The following MTREX variants were observed in gnomAD, a reference collection of about 807,000 sequenced individuals.
MTREX encodes Mtr4 exosome RNA helicase, also known as exosome RNA helicase MTR4.
MTREX carries 76 observed loss-of-function variants against 135.4 expected under a neutral mutation model. The observed-to-expected ratio is 0.56, with a 90% CI of 0.47 to 0.68. MTREX has a LOEUF of 0.68. Among genes scored for constraint, MTREX ranks in the 30% least tolerant of loss-of-function variants. MTREX has a pLI of 0.00. For synonymous variants in MTREX, 404 were observed against 401.6 expected, an observed-to-expected ratio of 1.01 and a Z score of -0.07; for missense variants, 920 against 1,262.1, an observed-to-expected ratio of 0.73 and a Z score of 4.11.
Position 55,340,128 on chromosome 5 carries a change from A to G in MTREX, c.634A>G (p.Met212Val). The G allele has an allele frequency of 6.2e-7, 1 of 1,603,588 alleles. No homozygotes were observed. The highest frequency in any genetic ancestry group is 1.7e-5 in the Admixed American group (1 of 58,512). ...MYEEFQDVGLMTGDVTINPTA... is the reference protein window; with the variant it reads ...MYEEFQDVGLVTGDVTINPTA... The stretch of plus-strand genomic sequence containing the variant: ...TGAAGAATTTCAAGATGTTGGTTTG[A>G]TGACTGGTGATGTTACTATTAATCC... The change falls in exon 6 of 27, where the codon ATG becomes GTG. Residue 212 changes from methionine (M) to valine (V), a missense_variant. Met to Val is a conservative substitution (Grantham distance 21, BLOSUM62 1). Transcript: ENST00000230640.
intron 16 of MTREX, among the ~76,000 whole-genome samples, chr5:55,375,929 A>G (rs1384461308): frequency 6.6e-6 from 1 of 152,182 alleles, no homozygotes; most frequent in Non-Finnish European, 1.5e-5. Context: ...TTCTTGTTAT[A>G]TAAATGTGCC....
Position 55,322,308 on chromosome 5 carries a change from C to A in MTREX, c.135-19C>A. On this transcript the variant is annotated intron_variant, in intron 1 of 26. Transcript: ENST00000230640. Reference sequence around the variant, plus strand: ...AAAGTGGATACTGCAGAATTCATTCCAAACTATTTACTTTTCAGGAAACGT... The same window carrying A: ...AAAGTGGATACTGCAGAATTCATTCAAAACTATTTACTTTTCAGGAAACGT... 1 of 1,589,098 alleles carries A rather than the reference C, an allele frequency of 6.3e-7. No individual in the cohort carries two copies. The highest frequency in any genetic ancestry group is 8.6e-7 in the Non-Finnish European group (1 of 1,169,360).
intron 25 of MTREX, among the ~76,000 whole-genome samples, chr5:55,419,016 G>A (rs896616403): frequency 6.6e-6 from 1 of 152,036 alleles, no homozygotes; most frequent in Non-Finnish European, 1.5e-5. Context: ...GCTAATTTTT[G>A]TTAATTTTTG....
chr5:55,323,747 A>G (rs181592813), intron 2 of MTREX, among the ~76,000 whole-genome samples: 1 of 152,320 alleles, frequency 6.6e-6, no homozygotes, highest in Admixed American at 6.5e-5. Context: ...TAATAGCAAC[A>G]AATGAATTGG....
chr5:55,312,400 C>T (rs1226172916), intron 1 of MTREX, among the ~76,000 whole-genome samples: 1 of 149,794 alleles, frequency 6.7e-6, no homozygotes, highest in East Asian at 1.9e-4. Context: ...CTCCTTTGCA[C>T]TTATTTCTTC....
At chr5:55,318,985 A>G (rs1160311828) in intron 1 of MTREX, among the ~76,000 whole-genome samples, 2 of 148,846 alleles carry the variant, frequency 1.3e-5, no homozygotes, top group South Asian at 2.1e-4. Flanking sequence ...TCTTCACTCA[A>G]ATATTCTAAA....
Position 55,361,431 on chromosome 5 carries a change from TACAC to T in MTREX, c.1659+2741_1659+2744del, listed in dbSNP as rs1310117035. On this transcript the variant is annotated intron_variant, in intron 15 of 26. Transcript: ENST00000230640. ...AGCTTTCAAAATCTCAGTACATTCA[TACAC>T]ACACACATATTTATATATTTGAGCA... Among the ~76,000 whole-genome samples the T allele has an allele frequency of 2.6e-5, 4 of 152,340 alleles. No individual in the cohort carries two copies. In the East Asian group the frequency reaches 5.8e-4, roughly 22 times the overall value.
In MTREX at chr5:55,414,256, T is replaced by G; in HGVS notation, c.2808+18T>G. On this transcript the variant is annotated intron_variant, in intron 24 of 26. Transcript: ENST00000230640. ...AAATGCAGGTAAGGTTTTTTTTTTT[T>G]TTTTTTGAACTACATATTTTATGAA... 2 of 1,558,590 alleles carry G rather than the reference T, an allele frequency of 1.3e-6. No individual in the cohort carries two copies. Among genetic ancestry groups the G allele is most frequent in the Non-Finnish European group, 1.7e-6 (2 of 1,160,866 alleles).
At chr5:55,383,814 G>C (rs888086783) in intron 18 of MTREX, among the ~76,000 whole-genome samples, 8 of 152,072 alleles carry the variant, frequency 5.3e-5, no homozygotes, top group African/African-American at 1.9e-4. Context: ...CTGTTACCTA[G>C]GTTAGAGTGC....
chr5:55,327,321 T>C (rs1579850814), intron 3 of MTREX, among the ~76,000 whole-genome samples: 1 of 152,246 alleles, frequency 6.6e-6, no homozygotes, highest in East Asian at 1.9e-4. Flanking sequence ...ATTTCTAGAG[T>C]CTCTTTTTTT....
chr5:55,396,746 C>T (rs1750652835), intron 19 of MTREX, among the ~76,000 whole-genome samples: 1 of 152,162 alleles, frequency 6.6e-6, no homozygotes, highest in African/African-American at 2.4e-5. Flanking sequence ...ATCAGCAAGC[C>T]AGTGAAAATT....
intron 15 of MTREX, among the ~76,000 whole-genome samples, chr5:55,364,014 A>C (rs1174478408): frequency 7.9e-5 from 12 of 152,110 alleles, no homozygotes; most frequent in Admixed American, 7.9e-4. Flanking sequence ...AGTTCAGGGA[A>C]ATTTGAGATG....
chr5:55,425,134 CATCCTCTTGCCTTGTGGCA>C lies in MTREX; in HGVS notation c.*366_*384del. 1 of 1,521,656 alleles carries C rather than the reference CATCCTCTTGCCTTGTGGCA, an allele frequency of 6.6e-7. No homozygotes were observed. The highest frequency in any genetic ancestry group is 1.4e-5 in the African/African-American group (1 of 71,582). 94.3% of individuals were successfully genotyped at this position (1,521,656 alleles called of 1,614,324 possible). A position where few individuals can be genotyped will look rare whatever the true frequency, so the allele number is the denominator to read the frequency against. The stretch of plus-strand genomic sequence containing the variant: ...GGCTTGTACACCAGGAAGAAAGATG[CATCCTCTTGCCTTGTGGCA>C]ATCATTTTCCTTTAGAAAACAGGCC... On this transcript the variant is annotated 3_prime_UTR_variant, in exon 27 of 27. Coordinates refer to ENST00000230640, the MANE Select transcript of MTREX (RefSeq NM_015360.5).
intron 2 of MTREX, 38 bp from the exon 3 acceptor site, chr5:55,324,093 TA>T: frequency 7.0e-7 from 1 of 1,432,016 alleles, no homozygotes; most frequent in Non-Finnish European, 9.7e-7. Flanking sequence ...TATAGAAAAG[TA>T]ATTTGTTTTT....
At chr5:55,333,255 C>T (rs1198625838) in intron 5 of MTREX, among the ~76,000 whole-genome samples, 1 of 152,130 alleles carries the variant, frequency 6.6e-6, no homozygotes, top group East Asian at 1.9e-4. Context: ...TTATCTCTTT[C>T]TCAGCCTTAA....
chr5:55,393,917 A>G (rs1750606834), intron 19 of MTREX, among the ~76,000 whole-genome samples: 1 of 151,968 alleles, frequency 6.6e-6, no homozygotes, highest in African/African-American at 2.4e-5. Flanking sequence ...TAGTTAGGGA[A>G]CTCTTAGGAT....
chr5:55,350,910 A>G lies in MTREX; in HGVS notation c.1321-9A>G. 2 of 1,579,602 alleles carry G rather than the reference A, an allele frequency of 1.3e-6. No homozygotes were observed. The highest frequency in any genetic ancestry group is 8.6e-7 in the Non-Finnish European group (1 of 1,165,386). ...TCATTATAAAATCAGTGTTATTCCA[A>G]AATCACAGGTAGAACATGTACTTCC... On this transcript the variant is annotated splice_polypyrimidine_tract_variant and intron_variant, in intron 12 of 26. Coordinates refer to ENST00000230640, the MANE Select transcript of MTREX (RefSeq NM_015360.5).
chr5:55,370,064 C>T (rs545730520), intron 16 of MTREX, among the ~76,000 whole-genome samples: 1 of 152,222 alleles, frequency 6.6e-6, no homozygotes, highest in South Asian at 2.1e-4. Context: ...GCTGGGATTA[C>T]AGGCATGCAC....
intron 16 of MTREX, among the ~76,000 whole-genome samples, chr5:55,367,878 G>A (rs1199485127): frequency 3.3e-5 from 5 of 152,144 alleles, no homozygotes; most frequent in African/African-American, 1.2e-4. Flanking sequence ...ATCGTAAAAA[G>A]GAGAAAGAAA....
Sources: allele counts gnomAD v4.1 joint callset (sites outside exome capture counted in the v4.1 genomes callset), GRCh38; gene constraint gnomAD v4.1.1; transcripts MANE v1.5; gene names NCBI Gene and HGNC (gene_info 2026-07-23, HGNC 2026-07-21).